The following PLPPR1 variants were observed in gnomAD, a reference collection of about 807,000 sequenced individuals.
PLPPR1 encodes phospholipid phosphatase-related protein type 1.
PLPPR1 carries 10 observed loss-of-function variants against 33.1 expected under a neutral mutation model. The ratio of observed to expected loss-of-function variants is 0.30; its 90% CI spans 0.19 to 0.51. PLPPR1 has a LOEUF of 0.51. Ranked by LOEUF, PLPPR1 falls within the 20% of genes least tolerant of loss-of-function variation. The pLI, the probability that PLPPR1 is intolerant of heterozygous loss-of-function variation, is 0.97. For synonymous variants in PLPPR1, 151 were observed against 151.0 expected, an observed-to-expected ratio of 1.00 and a Z score of 0.00; for missense variants, 304 against 408.1, an observed-to-expected ratio of 0.74 and a Z score of 2.20.
chr9:101,212,372 C>G (rs1170161900), intron 2 of PLPPR1, among the ~76,000 whole-genome samples: 1 of 152,078 alleles, frequency 6.6e-6, no homozygotes, highest in African/African-American at 2.4e-5. Flanking sequence ...CATGGGCCAC[C>G]ACTCCCGGCC....
intron 7 of PLPPR1, among the ~76,000 whole-genome samples, chr9:101,323,164 A>G (rs545498859): frequency 6.6e-6 from 1 of 152,320 alleles, no homozygotes; most frequent in East Asian, 1.9e-4. Context: ...ATATTAGAAA[A>G]TACTTAAGCA....
intron 1 of PLPPR1, among the ~76,000 whole-genome samples, chr9:101,089,723 T>C (rs1380667653): frequency 1.3e-5 from 2 of 152,224 alleles, no homozygotes; most frequent in Admixed American, 6.6e-5. Flanking sequence ...TTCTAATTTT[T>C]CATCATTATA....
intron 2 of PLPPR1, among the ~76,000 whole-genome samples, chr9:101,265,974 C>T (rs559211096): frequency 6.7e-6 from 1 of 148,758 alleles, no homozygotes; most frequent in South Asian, 2.2e-4. Flanking sequence ...CCAGCCTGGG[C>T]GACAGTGCGA....
At chr9:101,312,551 T>C (rs1828977989) in intron 5 of PLPPR1, among the ~76,000 whole-genome samples, 1 of 152,216 alleles carries the variant, frequency 6.6e-6, no homozygotes, top group Admixed American at 6.5e-5. Context: ...TAACTTCTGT[T>C]GACATGTCCA....
chr9:101,234,246 C>A (rs1455498174), intron 2 of PLPPR1, among the ~76,000 whole-genome samples: 1 of 151,798 alleles, frequency 6.6e-6, no homozygotes, highest in South Asian at 2.1e-4. Flanking sequence ...ATACACATAC[C>A]CACTCACAAG....
intron 1 of PLPPR1, among the ~76,000 whole-genome samples, chr9:101,174,457 C>G (rs757001799): frequency 1.2e-3 from 184 of 152,284 alleles, no homozygotes; most frequent in Admixed American, 1.7e-3. Context: ...AGCAATTTAA[C>G]TGACATCAAG....
At chr9:101,214,373 T>G (rs1178121884) in intron 2 of PLPPR1, among the ~76,000 whole-genome samples, 2 of 152,190 alleles carry the variant, frequency 1.3e-5, no homozygotes, top group Non-Finnish European at 2.9e-5. Flanking sequence ...GTCACATTAA[T>G]TTTTAGAGGT....
chr9:101,156,679 G>A (rs924814098), intron 1 of PLPPR1, among the ~76,000 whole-genome samples: 2 of 76,656 alleles, frequency 2.6e-5, no homozygotes, highest in Non-Finnish European at 6.0e-5. Context: ...AAAAATATGA[G>A]ACATAATAAT....
intron 1 of PLPPR1, among the ~76,000 whole-genome samples, chr9:101,048,451 C>A (rs2118437625): frequency 6.6e-6 from 1 of 152,304 alleles, no homozygotes; most frequent in African/African-American, 2.4e-5. Context: ...ACTGTGTTAA[C>A]TTCTTACTGA....
chr9:101,262,985 C>T (rs370217238), intron 2 of PLPPR1, among the ~76,000 whole-genome samples: 3 of 152,000 alleles, frequency 2.0e-5, no homozygotes, highest in Non-Finnish European at 2.9e-5. Context: ...AGTGGAACAT[C>T]GCACACCAGG....
intron 1 of PLPPR1, among the ~76,000 whole-genome samples, chr9:101,177,569 C>T (rs1047654658): frequency 8.5e-5 from 13 of 152,276 alleles, no homozygotes; most frequent in Admixed American, 6.5e-5. Context: ...TTCCAAATAG[C>T]ACTTCTTTCA....
intron 1 of PLPPR1, among the ~76,000 whole-genome samples, chr9:101,103,223 C>T (rs201376937): frequency 0.13 from 16,065 of 119,848 alleles, 921 homozygotes; most frequent in East Asian, 0.23. Context: ...TCCTTGCCTA[C>T]GCCTATGTCC....
chr9:101,225,275 C>T (rs1827039911), intron 2 of PLPPR1, among the ~76,000 whole-genome samples: 1 of 152,160 alleles, frequency 6.6e-6, no homozygotes, highest in African/African-American at 2.4e-5. Flanking sequence ...TGAGTAGGAT[C>T]ATTAAGTCAA....
At chr9:101,291,722 C>T (rs1284642573) in intron 4 of PLPPR1, among the ~76,000 whole-genome samples, 1 of 152,224 alleles carries the variant, frequency 6.6e-6, no homozygotes, top group Admixed American at 6.5e-5. Flanking sequence ...AGACCCGCAG[C>T]TGAGGGTCCT....
At position 101,036,391 on chromosome 9, in the gene PLPPR1, G is replaced by A. The variant is rs10989358; in HGVS notation, c.-46+7289G>A. ...CACATTGTAAAAGCAAAGCCAAAAG[G>A]ATAAGAATAAAAGCTCTATCTGCCT... is the stretch of plus-strand genomic sequence containing the variant. On this transcript the variant is annotated intron_variant, in intron 1 of 7. Transcript: ENST00000374874. Among the ~76,000 whole-genome samples the A allele has an allele frequency of 1.3e-3, 195 of 152,206 alleles. 7 individuals are homozygous for A. In the East Asian group the frequency reaches 0.034, roughly 27 times the overall value.
intron 1 of PLPPR1, among the ~76,000 whole-genome samples, chr9:101,172,875 C>A (rs1163177591): frequency 1.3e-5 from 2 of 152,068 alleles, no homozygotes; most frequent in Admixed American, 6.6e-5. Flanking sequence ...TCCCATCTTT[C>A]AAGGATCATT....
intron 4 of PLPPR1, among the ~76,000 whole-genome samples, chr9:101,303,500 C>G (rs951495996): frequency 6.6e-6 from 1 of 152,098 alleles, no homozygotes; most frequent in Non-Finnish European, 1.5e-5. Flanking sequence ...AGGATTTCAC[C>G]CTATTGGTCA....
intron 3 of PLPPR1, among the ~76,000 whole-genome samples, chr9:101,272,837 A>G (rs568041321): frequency 1.8e-4 from 28 of 152,206 alleles, no homozygotes; most frequent in Non-Finnish European, 3.7e-4. Flanking sequence ...GCATAAACCA[A>G]TATTTTCTTT....
intron 2 of PLPPR1, among the ~76,000 whole-genome samples, chr9:101,263,172 T>TA (rs1827931422): frequency 3.3e-5 from 5 of 152,070 alleles, no homozygotes; most frequent in South Asian, 2.1e-4. Context: ...AGAAAAATTT[T>TA]AAAAAAATAA....
Sources: allele counts gnomAD v4.1 joint callset (sites outside exome capture counted in the v4.1 genomes callset), GRCh38; gene constraint gnomAD v4.1.1; transcripts MANE v1.5; gene names NCBI Gene and HGNC (gene_info 2026-07-23, HGNC 2026-07-21).